Variants in VWA2 observed in about 807,000 individuals in gnomAD.
The protein encoded by VWA2 is von Willebrand factor A domain containing 2.
VWA2 carries 73 observed loss-of-function variants against 70.4 expected under a neutral mutation model. The observed-to-expected ratio is 1.04, with a 90% confidence interval of 0.86 to 1.26. The LOEUF is 1.26. Among genes scored for constraint, VWA2 ranks in the 50% most tolerant of loss-of-function variants. The pLI is 0.00. For missense variants in VWA2, 1,011 were observed against 998.5 expected (o/e 1.01, Z -0.17); for synonymous variants, 407 against 423.3 (o/e 0.96, Z 0.47).
At chr10:114,246,522 AAAACG>A (rs1287532088) in intron 1 of VWA2, 2 of 811,714 alleles carry the variant, frequency 2.5e-6, no homozygotes, top group East Asian at 2.6e-5. Context: ...AAAAAAAAAA[AAAACG>A]AGTATCATGG....
At chr10:114,291,104 G>T in intron 13 of VWA2, 114 bp from the exon 14 acceptor site, 1 of 1,225,380 alleles carries the variant, frequency 8.2e-7, no homozygotes, top group Non-Finnish European at 1.2e-6. Flanking sequence ...CTTCTGCTGG[G>T]GGCGAGGTGG....
At chr10:114,268,813 G>C (rs1239263347) in intron 5 of VWA2, among the ~76,000 whole-genome samples, 1 of 151,934 alleles carries the variant, frequency 6.6e-6, no homozygotes, top group Non-Finnish European at 1.5e-5. Context: ...TCCTGCCTCA[G>C]CCTCCCGAGT....
At position 114,289,253 on chromosome 10, in the gene VWA2, G is replaced by T. The variant is rs371230333; in HGVS notation, c.1886G>T (p.Arg629Leu). The change falls in exon 12 of 14, where the codon CGG becomes CTG. Residue 629 changes from arginine to leucine, a missense_variant. By Grantham distance (102) the Arg-to-Leu change is moderately radical. Coordinates refer to ENST00000392982, the MANE Select transcript of VWA2 (RefSeq NM_001272046.2). ...GTGATGACCGTCCAGAGGGGTGCCC[G>T]GCCTGGTGTCCCCAAAGCTGTGGTG... Reference protein sequence around the residue: ...DKVMTVQRGARPGVPKAVVVL... With the variant: ...DKVMTVQRGALPGVPKAVVVL... 1.2e-6 allele frequency: 2 copies of T among 1,614,098 alleles called. No individual in the cohort carries two copies. Among genetic ancestry groups the T allele is most frequent in the Non-Finnish European group, 1.7e-6 (2 of 1,179,998 alleles).
chr10:114,288,889 G>T (rs771831377), intron 11 of VWA2, 49 bp from the exon 12 acceptor site: 4 of 1,558,938 alleles, frequency 2.6e-6, no homozygotes, highest in East Asian at 4.5e-5. Context: ...CCGTCGAGGG[G>T]CTCTGACTGG....
At chr10:114,263,625 C>A (rs910430537) in intron 5 of VWA2, among the ~76,000 whole-genome samples, 18 of 152,170 alleles carry the variant, frequency 1.2e-4, no homozygotes, top group Non-Finnish European at 2.5e-4. Flanking sequence ...GTGTGAGCCA[C>A]CGTGCCTGGC....
chr10:114,255,391 G>A (rs1372158590), intron 4 of VWA2, among the ~76,000 whole-genome samples: 2 of 152,188 alleles, frequency 1.3e-5, no homozygotes, highest in African/African-American at 4.8e-5. Context: ...CAAAGTCCCA[G>A]GAGGGTTCTG....
chr10:114,277,870 A>G, intron 6 of VWA2, 44 bp from the exon 7 acceptor site: 1 of 1,561,890 alleles, frequency 6.4e-7, no homozygotes, highest in Admixed American at 1.7e-5. Context: ...GGGCAGGAGG[A>G]GGGTGGGTAT....
In VWA2 at chr10:114,289,134, C is replaced by G; in HGVS notation, c.1767C>G (p.Pro589=). The change falls in exon 12 of 14, where the codon CCC becomes CCG. Residue 589 remains proline, a synonymous_variant. Coordinates refer to ENST00000392982, the MANE Select transcript of VWA2 (RefSeq NM_001272046.2). ...VQTAFGLDTK[P]TRAAMLRAIS... Reference sequence around the variant, plus strand: ...CTGCCTTCGGGCTGGACACCAAACCCACCCGGGCTGCGATGCTGCGGGCCA... The same window carrying G: ...CTGCCTTCGGGCTGGACACCAAACCGACCCGGGCTGCGATGCTGCGGGCCA... 1 of 1,614,040 alleles carries G rather than the reference C, an allele frequency of 6.2e-7. No homozygotes were observed. The highest frequency in any genetic ancestry group is 8.5e-7 in the Non-Finnish European group (1 of 1,180,008).
At chr10:114,246,458 G>T in intron 1 of VWA2, 1 of 622,298 alleles carries the variant, frequency 1.6e-6, no homozygotes, top group Non-Finnish European at 2.7e-6. Flanking sequence ...CCAAGACCAT[G>T]CCATTGCATT....
At chr10:114,280,276 C>G (rs934034981) in intron 8 of VWA2, among the ~76,000 whole-genome samples, 2 of 152,188 alleles carry the variant, frequency 1.3e-5, no homozygotes, top group Admixed American at 6.5e-5. Context: ...CACCCAGGTC[C>G]TGGGAAATCA....
At chr10:114,289,541 C>G (rs553890627) in intron 12 of VWA2, 52 bp downstream of exon 12, 8 of 1,595,980 alleles carry the variant, frequency 5.0e-6, no homozygotes, top group Admixed American at 3.3e-5. Flanking sequence ...AGGCCCTCAG[C>G]CTGAGCCTTC....
intron 8 of VWA2, among the ~76,000 whole-genome samples, chr10:114,280,393 G>T (rs1320099478): frequency 5.3e-5 from 8 of 152,136 alleles, no homozygotes; most frequent in African/African-American, 1.9e-4. Context: ...GTGGTAGCAG[G>T]TGCTGTGGAG....
intron 5 of VWA2, among the ~76,000 whole-genome samples, chr10:114,270,988 A>G (rs2133358306): frequency 6.6e-6 from 1 of 152,210 alleles, no homozygotes; most frequent in South Asian, 2.1e-4. Flanking sequence ...GACCCCATTT[A>G]AAAGCTTTTT....
chr10:114,239,831 C>T (rs902035654), intron 1 of VWA2, among the ~76,000 whole-genome samples: 1 of 152,208 alleles, frequency 6.6e-6, no homozygotes, highest in Non-Finnish European at 1.5e-5. Flanking sequence ...CGGTCCGTCC[C>T]GGGCGAGCTG....
At chr10:114,290,463 C>A (rs2039466439) in intron 13 of VWA2, 98 bp downstream of exon 13, 2 of 1,476,592 alleles carry the variant, frequency 1.4e-6, no homozygotes, top group African/African-American at 1.4e-5. Flanking sequence ...CTAAAACATT[C>A]GTTCAGTGGA....
chr10:114,243,339 G>A (rs993466561), intron 1 of VWA2, among the ~76,000 whole-genome samples: 7 of 152,236 alleles, frequency 4.6e-5, no homozygotes, highest in African/African-American at 9.6e-5. Context: ...TAGGGGGAGC[G>A]TGACTTTCCC....
intron 4 of VWA2, among the ~76,000 whole-genome samples, chr10:114,255,649 A>C (rs1403165119): frequency 6.6e-6 from 1 of 152,238 alleles, no homozygotes; most frequent in Non-Finnish European, 1.5e-5. Context: ...CCTCTCTTGC[A>C]CTTGAGAGGA....
In VWA2 at chr10:114,277,931, C is replaced by T; in HGVS notation, c.584C>T (p.Ala195Val). ...VRFPRWEELH[A>V]LASEPRGQHV... ...TGGCACAGGTGGGAGGAGCTGCATG[C>T]ACTGGCCAGCGAGCCTAGAGGGCAG... The change falls in exon 7 of 14, where the codon GCA becomes GTA. Residue 195 changes from alanine to valine, a missense_variant. Transcript: ENST00000392982. 5.0e-6 allele frequency: 8 copies of T among 1,609,790 alleles called. No individual in the cohort carries two copies. The highest frequency in any genetic ancestry group is 1.1e-5 in the South Asian group (1 of 90,700).
chr10:114,285,804 G>A lies in VWA2; in HGVS notation c.998-135G>A, dbSNP rs1015946406. 2.7e-5 allele frequency: 25 copies of A among 934,892 alleles called. No homozygotes were observed. In the East Asian group the frequency reaches 5.1e-4, roughly 19 times the overall value. 57.9% of individuals were successfully genotyped at this position (934,892 alleles called of 1,614,324 possible). On this transcript the variant is annotated intron_variant, in intron 10 of 13. Transcript: ENST00000392982. ...TTGTCTCTAACTCTGTGACGAGCAC[G>A]GGTCACTTAAGCTTGGGGGGCCCAC...
Sources: gnomAD v4.1 joint callset for allele counts (sites outside exome capture counted in the v4.1 genomes callset) on GRCh38, gnomAD v4.1.1 for gene constraint, MANE v1.5 for transcripts, NCBI Gene and HGNC (gene_info 2026-07-23, HGNC 2026-07-21) for gene names.